The following NSD1 variants were observed in gnomAD, a reference collection of about 807,000 sequenced individuals.
NSD1 encodes the protein histone-lysine N-methyltransferase, H3 lysine-36 specific.
Under a neutral mutation model 242.7 loss-of-function variants are expected in NSD1, and 26 were observed. The ratio of observed to expected loss-of-function variants is 0.11; its 90% CI spans 0.08 to 0.15. NSD1 has a LOEUF of 0.15. NSD1 is among the 10% of genes least tolerant of loss of function. NSD1 has a pLI of 1.00. For synonymous variants in NSD1, 1,106 were observed against 1,178.1 expected, an observed-to-expected ratio of 0.94 and a Z score of 1.25; for missense variants, 2,495 against 3,272.8, an observed-to-expected ratio of 0.76 and a Z score of 5.80.
intron 21 of NSD1, among the ~76,000 whole-genome samples, chr5:177,291,218 C>T (rs985278768): frequency 2.0e-5 from 3 of 152,166 alleles, no homozygotes; most frequent in East Asian, 1.9e-4. Flanking sequence ...GTCTTATTGA[C>T]GGCAGGGACC....
chr5:177,258,401 C>T (rs191043874), intron 13 of NSD1, among the ~76,000 whole-genome samples: 76 of 152,058 alleles, frequency 5.0e-4, no homozygotes, highest in Admixed American at 2.7e-3. Flanking sequence ...AACTCTTGTC[C>T]TAGAAATTTT....
chr5:177,183,007 G>A (rs1239028334), intron 2 of NSD1, among the ~76,000 whole-genome samples: 1 of 152,030 alleles, frequency 6.6e-6, no homozygotes, highest in Non-Finnish European at 1.5e-5. Context: ...GAAGTCCTAG[G>A]CCCGAGCAGT....
At chr5:177,235,343 C>T (rs1239505574) in intron 5 of NSD1, among the ~76,000 whole-genome samples, 1 of 152,132 alleles carries the variant, frequency 6.6e-6, no homozygotes, top group Non-Finnish European at 1.5e-5. Flanking sequence ...TGGGTCCCAT[C>T]CCCAAGATAA....
intron 5 of NSD1, among the ~76,000 whole-genome samples, chr5:177,214,360 C>G (rs1763600475): frequency 6.6e-6 from 1 of 151,716 alleles, no homozygotes; most frequent in Non-Finnish European, 1.5e-5. Context: ...AATAAACAAA[C>G]AAAAAAACAG....
At chr5:177,183,059 G>A (rs2149810590) in intron 2 of NSD1, among the ~76,000 whole-genome samples, 1 of 152,248 alleles carries the variant, frequency 6.6e-6, no homozygotes, top group African/African-American at 2.4e-5. Context: ...TTACAGGTGT[G>A]AACCCCCACA....
intron 17 of NSD1, among the ~76,000 whole-genome samples, chr5:177,279,773 C>T (rs1229236426): frequency 2.0e-5 from 3 of 150,990 alleles, no homozygotes; most frequent in Non-Finnish European, 3.0e-5. Context: ...CCCGCCACCA[C>T]GCCTGGCTAA....
At chr5:177,169,175 A>G (rs146441395) in intron 2 of NSD1, among the ~76,000 whole-genome samples, 26 of 152,134 alleles carry the variant, frequency 1.7e-4, no homozygotes, top group African/African-American at 5.5e-4. Flanking sequence ...TTTTGGTGCA[A>G]GTTTGGTTTG....
chr5:177,172,101 T>C (rs975601491), intron 2 of NSD1, among the ~76,000 whole-genome samples: 2 of 152,224 alleles, frequency 1.3e-5, no homozygotes, highest in African/African-American at 4.8e-5. Flanking sequence ...TGATAGTTTT[T>C]CCCCTATTTA....
chr5:177,157,677 T>C (rs1045836295), intron 2 of NSD1, among the ~76,000 whole-genome samples: 9 of 152,092 alleles, frequency 5.9e-5, no homozygotes, highest in African/African-American at 2.2e-4. Context: ...ACTTAAAGGG[T>C]GTAGAGTTGA....
intron 2 of NSD1, among the ~76,000 whole-genome samples, chr5:177,150,130 T>G (rs1295296209): frequency 6.6e-6 from 1 of 151,582 alleles, no homozygotes; most frequent in Non-Finnish European, 1.5e-5. Context: ...TTTTTAATTT[T>G]TATTTATTTA....
At position 177,140,191 on chromosome 5, in the gene NSD1, T is replaced by C. The variant is rs1193699267; in HGVS notation, c.927+4161T>C. On this transcript the variant is annotated intron_variant, in intron 2 of 22. Transcript: ENST00000439151. ...AATTTATAATCCTGACCTGGTACTT[T>C]TATATTTAATTGGGCTGATATTTTC... Among the ~76,000 whole-genome samples the C allele has an allele frequency of 5.3e-5, 8 of 152,336 alleles. No individual in the cohort carries two copies. The East Asian group carries it at 1.5e-3, about 29-fold the overall frequency.
rs564583446 is a variant in NSD1 at position 177,227,169 on chromosome 5, A to G, written c.3797-8652A>G. On this transcript the variant is annotated intron_variant, in intron 5 of 22. Coordinates refer to ENST00000439151, the MANE Select transcript of NSD1 (RefSeq NM_022455.5). ...AAAATAGATTGGCCATGAATTTGTA[A>G]TCAGTGAGTCTAGGTGTTTACTATA... is the stretch of plus-strand genomic sequence containing the variant. Among the ~76,000 whole-genome samples, 7 of 152,326 alleles carry G rather than the reference A, an allele frequency of 4.6e-5. No individual in the cohort carries two copies. In the South Asian group the frequency reaches 1.5e-3, roughly 32 times the overall value.
At chr5:177,270,652 G>A (rs915860738) in intron 16 of NSD1, among the ~76,000 whole-genome samples, 5 of 152,316 alleles carry the variant, frequency 3.3e-5, no homozygotes, top group African/African-American at 1.2e-4. Context: ...TAAACCAATT[G>A]TTAACATGAG....
intron 2 of NSD1, among the ~76,000 whole-genome samples, chr5:177,183,776 T>C (rs1760885809): frequency 6.6e-6 from 1 of 152,178 alleles, no homozygotes; most frequent in Non-Finnish European, 1.5e-5. Flanking sequence ...CCGTCCTCAC[T>C]TCCATCTTTC....
intron 2 of NSD1, among the ~76,000 whole-genome samples, chr5:177,186,131 A>T (rs1407737597): frequency 1.6e-5 from 2 of 126,862 alleles, no homozygotes; most frequent in African/African-American, 5.9e-5. Context: ...TATATAATAT[A>T]TATATGTAAA....
chr5:177,217,736 C>T (rs189618060), intron 5 of NSD1, among the ~76,000 whole-genome samples: 2 of 145,988 alleles, frequency 1.4e-5, no homozygotes, highest in South Asian at 4.3e-4. Flanking sequence ...GGCGCGATCT[C>T]GGCTCACTGC....
At chr5:177,192,171 G>A (rs565084827) in intron 3 of NSD1, 152 bp downstream of exon 3, 107 of 669,262 alleles carry the variant, frequency 1.6e-4, no homozygotes, top group Admixed American at 3.4e-4. Flanking sequence ...TTAAAAGTTC[G>A]TTTTACTCTA....
At chr5:177,139,903 CA>C (rs1756667009) in intron 2 of NSD1, among the ~76,000 whole-genome samples, 1 of 149,058 alleles carries the variant, frequency 6.7e-6, no homozygotes, top group Non-Finnish European at 1.5e-5. Context: ...ATGATCATGC[CA>C]CTGCATTCCA....
chr5:177,176,763 A>G (rs1465770863), intron 2 of NSD1, among the ~76,000 whole-genome samples: 1 of 152,206 alleles, frequency 6.6e-6, no homozygotes, highest in Non-Finnish European at 1.5e-5. Flanking sequence ...AAGAGCTTAT[A>G]ACAACTTTGT....
Sources: gnomAD v4.1 joint callset for allele counts (sites outside exome capture counted in the v4.1 genomes callset) on GRCh38, gnomAD v4.1.1 for gene constraint, MANE v1.5 for transcripts, NCBI Gene and HGNC (gene_info 2026-07-23, HGNC 2026-07-21) for gene names.